The following HTR1F variants were observed in gnomAD, a reference collection of about 807,000 sequenced individuals.
The protein encoded by HTR1F is 5-hydroxytryptamine receptor 1F, also known as 5-hydroxytryptamine (serotonin) receptor 1F, G protein-coupled.
Under a neutral mutation model 24.0 loss-of-function variants are expected in HTR1F, and 17 were observed. The ratio of observed to expected loss-of-function variants is 0.71; its 90% CI spans 0.48 to 1.06. The LOEUF (loss-of-function observed/expected upper bound fraction) is 1.06. Among genes scored for constraint, HTR1F ranks in the 50% least tolerant of loss-of-function variants. The probability of loss-of-function intolerance (pLI) is 0.00; values close to 1 mark genes in which losing one functional copy is unlikely to be tolerated. For synonymous variants in HTR1F, 186 were observed against 156.8 expected, an observed-to-expected ratio of 1.19 and a Z score of -1.39; for missense variants, 391 against 427.8, an observed-to-expected ratio of 0.91 and a Z score of 0.76.
intron 1 of HTR1F, among the ~76,000 whole-genome samples, chr3:87,810,676 T>G (rs1200615112): frequency 1.3e-5 from 2 of 152,240 alleles, no homozygotes; most frequent in Non-Finnish European, 2.9e-5. Context: ...GCCAGGAAGA[T>G]GTTGGTATCA....
At chr3:87,968,386 T>G (rs1158684376) in intron 2 of HTR1F, among the ~76,000 whole-genome samples, 1 of 152,112 alleles carries the variant, frequency 6.6e-6, no homozygotes, top group Non-Finnish European at 1.5e-5. Context: ...CTAATTTTTG[T>G]ATTTTTAGTA....
intron 1 of HTR1F, among the ~76,000 whole-genome samples, chr3:87,814,514 T>A (rs1575899190): frequency 2.0e-5 from 3 of 152,244 alleles, no homozygotes; most frequent in Non-Finnish European, 4.4e-5. Context: ...ATTTTTGTAA[T>A]CTATGACCAA....
intron 2 of HTR1F, among the ~76,000 whole-genome samples, chr3:87,917,054 A>G (rs1316720052): frequency 6.6e-6 from 1 of 152,098 alleles, no homozygotes; most frequent in Non-Finnish European, 1.5e-5. Context: ...ATAAACTCCA[A>G]AAGGAACCTC....
In HTR1F at chr3:87,922,478, G is replaced by A. The variant is rs113219044; in HGVS notation, c.-42-68230G>A. On this transcript the variant is annotated intron_variant, in intron 2 of 2. Transcript: ENST00000319595. ...ATTCTGCAGATTTCCTCTTCACTCC[G>A]GTGATTGTTACCTTTGCTGTGCAGA... Among the ~76,000 whole-genome samples, 653 of 151,890 alleles carry A rather than the reference G, an allele frequency of 4.3e-3. 7 individuals carry two copies. Among genetic ancestry groups the A allele is most frequent in the African/African-American group, 0.015 (616 of 41,474 alleles).
rs141923258 is a variant in HTR1F at position 87,830,542 on chromosome 3, C to T, written c.-43+8418C>T. 4.7e-4 allele frequency among the ~76,000 whole-genome samples: 72 copies of T among 152,256 alleles called. No individual in the cohort carries two copies. In the East Asian group the frequency reaches 5.6e-3, roughly 12 times the overall value. Reference sequence around the variant, plus strand: ...ATGCTCTGGTTTATCATCATGAAGACATTAATTTCTCATGATTTCTCGTGC... The same window carrying T: ...ATGCTCTGGTTTATCATCATGAAGATATTAATTTCTCATGATTTCTCGTGC... On this transcript the variant is annotated intron_variant, in intron 2 of 2. Coordinates refer to ENST00000319595, the MANE Select transcript of HTR1F (RefSeq NM_001322209.2).
chr3:87,902,390 C>T (rs909805783), intron 2 of HTR1F, among the ~76,000 whole-genome samples: 3 of 151,836 alleles, frequency 2.0e-5, no homozygotes, highest in African/African-American at 7.3e-5. Flanking sequence ...TGATTCCTAC[C>T]CCACAGCATG....
intron 2 of HTR1F, among the ~76,000 whole-genome samples, chr3:87,935,239 C>T (rs536812810): frequency 1.3e-5 from 2 of 152,070 alleles, no homozygotes; most frequent in Admixed American, 1.3e-4. Flanking sequence ...AACAAGGCCC[C>T]AAAAATGAAG....
intron 2 of HTR1F, among the ~76,000 whole-genome samples, chr3:87,825,107 A>G (rs761993208): frequency 2.2e-4 from 34 of 152,104 alleles, no homozygotes; most frequent in Non-Finnish European, 2.9e-4. Context: ...CTGTTTTCCT[A>G]CTCTTTGTAA....
chr3:87,800,399 C>T (rs1222723276), intron 1 of HTR1F, among the ~76,000 whole-genome samples: 1 of 152,164 alleles, frequency 6.6e-6, no homozygotes, highest in African/African-American at 2.4e-5. Context: ...TTCCTTCCAC[C>T]TGGCAAATTC....
At chr3:87,893,323 G>T (rs1706124375) in intron 2 of HTR1F, among the ~76,000 whole-genome samples, 1 of 152,126 alleles carries the variant, frequency 6.6e-6, no homozygotes, top group South Asian at 2.1e-4. Context: ...GTATGAGTCT[G>T]TTCACATTGT....
intron 2 of HTR1F, among the ~76,000 whole-genome samples, chr3:87,904,455 GC>G (rs1158332782): frequency 6.6e-6 from 1 of 151,984 alleles, no homozygotes; most frequent in African/African-American, 2.4e-5. Flanking sequence ...TTTTAATGAA[GC>G]AAAAACTGAA....
chr3:87,987,114 A>G (rs1436380020), intron 2 of HTR1F, among the ~76,000 whole-genome samples: 1 of 95,440 alleles, frequency 1.0e-5, no homozygotes. Context: ...TCAAAAAAAT[A>G]AAATAAAAAT....
At chr3:87,972,554 T>C (rs1705307124) in intron 2 of HTR1F, among the ~76,000 whole-genome samples, 1 of 152,220 alleles carries the variant, frequency 6.6e-6, no homozygotes, top group Non-Finnish European at 1.5e-5. Flanking sequence ...GACAACTCCA[T>C]GTGGGCTATC....
intron 2 of HTR1F, among the ~76,000 whole-genome samples, chr3:87,983,800 T>C (rs1375325981): frequency 2.0e-5 from 3 of 152,214 alleles, no homozygotes; most frequent in African/African-American, 7.2e-5. Flanking sequence ...ACCATTTTTA[T>C]TCCAGTTACC....
intron 2 of HTR1F, among the ~76,000 whole-genome samples, chr3:87,887,605 C>T (rs1172039262): frequency 6.6e-6 from 1 of 152,134 alleles, no homozygotes; most frequent in Non-Finnish European, 1.5e-5. Context: ...CCAGAATCTA[C>T]AAAGAACTTA....
At chr3:87,816,949 T>A (rs1216770691) in intron 1 of HTR1F, among the ~76,000 whole-genome samples, 3 of 152,120 alleles carry the variant, frequency 2.0e-5, no homozygotes, top group Non-Finnish European at 4.4e-5. Context: ...CTTTAAAATC[T>A]CAGAATATTT....
intron 2 of HTR1F, among the ~76,000 whole-genome samples, chr3:87,876,130 T>G (rs1179340529): frequency 2.0e-5 from 3 of 152,166 alleles, no homozygotes; most frequent in African/African-American, 4.8e-5. Flanking sequence ...TGTGTAGAAT[T>G]GGAGACTTTG....
At position 87,992,464 on chromosome 3, in the gene HTR1F, C is replaced by T. The variant is rs1285751817; in HGVS notation, c.*614C>T. ...TAATCATAAAGTGGGTTAGGTACAG[C>T]AAAATAATTCAATACTGAACTTGTG... On this transcript the variant is annotated 3_prime_UTR_variant, in exon 3 of 3. Transcript: ENST00000319595. 1 of 166,892 alleles carries T rather than the reference C, an allele frequency of 6.0e-6. No individual in the cohort carries two copies. The highest frequency in any genetic ancestry group is 1.5e-5 in the Non-Finnish European group (1 of 68,074). The allele number at this position is 166,892 out of a possible 1,614,324, so 10.3% of individuals were successfully genotyped here.
In HTR1F at chr3:87,828,246, A is replaced by G. The variant is rs572149883; in HGVS notation, c.-43+6122A>G. On this transcript the variant is annotated intron_variant, in intron 2 of 2. Transcript: ENST00000319595. ...CAAAAACCCACTTTGTAACTGACAA[A>G]ATGAGGAACTTATATTTCCTGGCAT... Among the ~76,000 whole-genome samples, 24 of 152,340 alleles carry G rather than the reference A, an allele frequency of 1.6e-4. No homozygotes were observed. In the South Asian group the frequency reaches 4.1e-3, roughly 26 times the overall value.
Sources: allele counts gnomAD v4.1 joint callset (sites outside exome capture counted in the v4.1 genomes callset), GRCh38; gene constraint gnomAD v4.1.1; transcripts MANE v1.5; gene names NCBI Gene and HGNC (gene_info 2026-07-23, HGNC 2026-07-21).